The following BAIAP2 variants were observed in gnomAD, a reference collection of about 807,000 sequenced individuals.
The protein encoded by BAIAP2 is BAR/IMD domain containing adaptor protein 2.
BAIAP2 carries 18 observed loss-of-function variants against 63.0 expected under a neutral mutation model. That is an observed-to-expected ratio of 0.29 (90% CI 0.20 to 0.42). BAIAP2 has a LOEUF of 0.42. BAIAP2 is among the 10% of genes least tolerant of loss of function. The pLI is 1.00. For missense variants in BAIAP2, 610 were observed against 734.3 expected (o/e 0.83, Z 1.96); for synonymous variants, 386 against 307.6 (o/e 1.25, Z -2.67).
chr17:81,061,878 C>T (rs1177509390), intron 3 of BAIAP2, among the ~76,000 whole-genome samples: 1 of 152,054 alleles, frequency 6.6e-6, no homozygotes, highest in Non-Finnish European at 1.5e-5. Flanking sequence ...GATGGAAGTC[C>T]CTTGCCAGGA....
chr17:81,072,085 T>C (rs563823284), intron 3 of BAIAP2, among the ~76,000 whole-genome samples: 3 of 152,330 alleles, frequency 2.0e-5, no homozygotes, highest in Admixed American at 6.5e-5. Context: ...CACGTAGGGC[T>C]GGGGTTCCCT....
At chr17:81,072,601 G>T (rs981708122) in intron 3 of BAIAP2, among the ~76,000 whole-genome samples, 1 of 152,234 alleles carries the variant, frequency 6.6e-6, no homozygotes, top group Non-Finnish European at 1.5e-5. Context: ...TAACCCTCCT[G>T]GGAGAGCTCT....
In BAIAP2 at chr17:81,116,411, T is replaced by A; in HGVS notation, c.*572T>A. 1 of 1,436,380 alleles carries A rather than the reference T, an allele frequency of 7.0e-7. No individual in the cohort carries two copies. The highest frequency in any genetic ancestry group is 2.5e-5 in the East Asian group (1 of 40,790). The allele number at this position is 1,436,380 out of a possible 1,614,324, so 89.0% of individuals were successfully genotyped here. A position where few individuals can be genotyped will look rare whatever the true frequency, so the allele number is the denominator to read the frequency against. ...GGTGGGGCTCTCCTGGGCCCCTCAC[T>A]CCCACTGGCAATGTCACAAGGGCCT... On this transcript the variant is annotated 3_prime_UTR_variant, in exon 14 of 14. Transcript: ENST00000428708.
chr17:81,071,966 G>A (rs56278119), intron 3 of BAIAP2, among the ~76,000 whole-genome samples: 2 of 152,154 alleles, frequency 1.3e-5, no homozygotes, highest in South Asian at 2.1e-4. Flanking sequence ...CTCTCCTCTC[G>A]TCCGTGATCA....
chr17:81,074,629 G>T (rs1375308476), intron 3 of BAIAP2, among the ~76,000 whole-genome samples: 1 of 148,156 alleles, frequency 6.7e-6, no homozygotes, highest in Non-Finnish European at 1.5e-5. Context: ...GCCTGTGTGC[G>T]TGCACGGATG....
chr17:81,051,563 C>T (rs796820407), intron 1 of BAIAP2, among the ~76,000 whole-genome samples: 1 of 152,148 alleles, frequency 6.6e-6, no homozygotes, highest in Non-Finnish European at 1.5e-5. Context: ...CCAAGCCCGG[C>T]TTTTTGTATT....
intron 6 of BAIAP2, among the ~76,000 whole-genome samples, chr17:81,090,396 C>G (rs2056512352): frequency 6.6e-6 from 1 of 152,254 alleles, no homozygotes; most frequent in Non-Finnish European, 1.5e-5. Context: ...CTTCCTCTGT[C>G]AATGGGAGAC....
chr17:81,090,689 G>A (rs1422926545), intron 6 of BAIAP2, among the ~76,000 whole-genome samples: 7 of 152,208 alleles, frequency 4.6e-5, no homozygotes, highest in African/African-American at 9.6e-5. Flanking sequence ...GCCCCACATC[G>A]GAGTTTGAGG....
At chr17:81,108,866 C>T (rs1033738600) in intron 13 of BAIAP2, 151 of 1,469,732 alleles carry the variant, frequency 1.0e-4, no homozygotes, top group Non-Finnish European at 1.3e-4. Context: ...AGGAGGCCAA[C>T]GGGAGCTGCT....
At chr17:81,087,683 TG>T (rs572899715) in intron 6 of BAIAP2, 188 of 152,290 alleles carry the variant, frequency 1.2e-3, no homozygotes, top group South Asian at 5.8e-3. Context: ...ACGGGGGAGC[TG>T]GGGGTCCCTC....
intron 1 of BAIAP2, among the ~76,000 whole-genome samples, chr17:81,048,537 G>C (rs573337101): frequency 1.2e-4 from 18 of 152,068 alleles, no homozygotes; most frequent in Admixed American, 3.9e-4. Flanking sequence ...TTTTGCTGCT[G>C]CCTTGTGCCC....
intron 3 of BAIAP2, among the ~76,000 whole-genome samples, chr17:81,061,038 C>T (rs190670283): frequency 3.3e-5 from 5 of 152,276 alleles, no homozygotes; most frequent in South Asian, 2.1e-4. Flanking sequence ...ACAGGAGAAT[C>T]GCTTGAACCT....
chr17:81,048,565 C>T (rs1205426203), intron 1 of BAIAP2, among the ~76,000 whole-genome samples: 1 of 152,118 alleles, frequency 6.6e-6, no homozygotes, highest in Non-Finnish European at 1.5e-5. Flanking sequence ...CCAGGCCGGC[C>T]CGTAGCACTG....
chr17:81,043,941 G>A (rs1277710865), intron 1 of BAIAP2, among the ~76,000 whole-genome samples: 1 of 152,276 alleles, frequency 6.6e-6, no homozygotes, highest in African/African-American at 2.4e-5. Flanking sequence ...TCCTGGCACA[G>A]AGAGTACTGG....
chr17:81,086,613 C>T, intron 6 of BAIAP2, 33 bp downstream of exon 6: 10 of 1,610,946 alleles, frequency 6.2e-6, no homozygotes, highest in African/African-American at 1.3e-5. Flanking sequence ...GGTGCCTCTC[C>T]TGCCACCTTG....
chr17:81,040,451 C>A (rs1371863901), intron 1 of BAIAP2, among the ~76,000 whole-genome samples: 1 of 152,258 alleles, frequency 6.6e-6, no homozygotes, highest in Non-Finnish European at 1.5e-5. Context: ...TGTACAGCTG[C>A]ACAATGACTT....
chr17:81,093,162 G>GC (rs1318812434), intron 6 of BAIAP2, among the ~76,000 whole-genome samples: 1 of 152,066 alleles, frequency 6.6e-6, no homozygotes, highest in Non-Finnish European at 1.5e-5. Context: ...TGAGGAGGGA[G>GC]CCCCGGCCCG....
intron 3 of BAIAP2, among the ~76,000 whole-genome samples, chr17:81,080,812 T>C (rs1183957804): frequency 5.3e-5 from 8 of 151,512 alleles, no homozygotes. Flanking sequence ...AACCTAGGAG[T>C]TGGAGACCAG....
At chr17:81,050,452 A>G (rs2048491673) in intron 1 of BAIAP2, among the ~76,000 whole-genome samples, 1 of 152,122 alleles carries the variant, frequency 6.6e-6, no homozygotes, top group African/African-American at 2.4e-5. Flanking sequence ...TGCGGTAGGC[A>G]TGGCCGCCGT....
Sources: allele counts gnomAD v4.1 joint callset (sites outside exome capture counted in the v4.1 genomes callset), GRCh38; gene constraint gnomAD v4.1.1; transcripts MANE v1.5; gene names NCBI Gene and HGNC (gene_info 2026-07-23, HGNC 2026-07-21).